The following INSYN2A variants were observed in gnomAD, a reference collection of about 807,000 sequenced individuals.
The protein encoded by INSYN2A is inhibitory synaptic factor 2A.
INSYN2A carries 17 observed loss-of-function variants against 39.4 expected under a neutral mutation model. That is an observed-to-expected ratio of 0.43 (90% CI 0.30 to 0.65). The LOEUF is 0.65. Ranked by LOEUF, INSYN2A falls within the 30% of genes least tolerant of loss-of-function variation. INSYN2A has a pLI of 0.14. For missense variants in INSYN2A, 595 were observed against 631.2 expected (o/e 0.94, Z 0.61); for synonymous variants, 255 against 265.7 (o/e 0.96, Z 0.39).
intron 4 of INSYN2A, among the ~76,000 whole-genome samples, chr10:127,161,383 T>A (rs1390076336): frequency 6.6e-6 from 1 of 152,106 alleles, no homozygotes; most frequent in African/African-American, 2.4e-5. Context: ...TCTGTTCCCT[T>A]TTTCCCAGTA....
chr10:127,175,462 G>A lies in INSYN2A; in HGVS notation c.934C>T (p.Gln312Ter), dbSNP rs1276538182. ...ETALACSPPM[Q>*]CLSPECSEQP... ...TCACTACATTCGGGGGACAGGCACT[G>A]CATCGGGGGTGAGCAGGCCAGGGCA... The change falls in exon 4 of 6, where the codon CAG (glutamine) becomes TAG (stop). Residue 312 changes from glutamine (Q) to a stop codon, truncating the protein, a stop_gained. Transcript: ENST00000522781. LOFTEE classifies it high-confidence loss of function. This position sits in a 1 kb window ranked among gnomAD's most constrained non-coding sequence, Gnocchi z 6.3. The A allele has an allele frequency of 6.2e-7, 1 of 1,610,622 alleles. No individual in the cohort carries two copies. The highest frequency in any genetic ancestry group is 8.5e-7 in the Non-Finnish European group (1 of 1,180,016).
chr10:127,146,973 G>T lies in INSYN2A; in HGVS notation c.1256+6879C>A, dbSNP rs186157489. Among the ~76,000 whole-genome samples, 19 of 152,338 alleles carry T rather than the reference G, an allele frequency of 1.2e-4. No homozygotes were observed. The East Asian group carries it at 3.5e-3, about 28-fold the overall frequency. ...TTGCAATACACTCGGAATCAGTGAA[G>T]TGCCAGTGTGCGTGATTTTATCTAG... On this transcript the variant is annotated intron_variant, in intron 5 of 5. Transcript: ENST00000522781.
At position 127,176,331 on chromosome 10, in the gene INSYN2A, G is replaced by T; in HGVS notation, c.65C>A (p.Ala22Asp). The T allele has an allele frequency of 6.2e-7, 1 of 1,613,932 alleles. No homozygotes were observed. The stretch of plus-strand genomic sequence containing the variant: ...GTATTTCATCTCCAGGGCCAGGCAG[G>T]CGGCGGGTTCCACTTCACTCTCCGA... Reference protein sequence around the residue: ...TTSESEVEPAACLALEMKYAL... With the variant: ...TTSESEVEPADCLALEMKYAL... Residue 22 changes from alanine to aspartate, a missense_variant, in exon 4 of 6, where the codon GCC becomes GAC. Coordinates refer to ENST00000522781, the MANE Select transcript of INSYN2A (RefSeq NM_001039762.3). The surrounding 1 kb of genome is among the most constrained non-coding windows in gnomAD (Gnocchi z 4.4).
intron 5 of INSYN2A, 67 bp from the exon 6 acceptor site, chr10:127,138,087 C>G: frequency 7.1e-7 from 1 of 1,417,696 alleles, no homozygotes; most frequent in East Asian, 2.3e-5. Flanking sequence ...CTCTTAGTGT[C>G]AGCAAGATTT....
intron 4 of INSYN2A, among the ~76,000 whole-genome samples, chr10:127,171,308 T>C (rs1228313662): frequency 6.6e-6 from 1 of 152,218 alleles, no homozygotes; most frequent in African/African-American, 2.4e-5. Flanking sequence ...AGGGAAGCAC[T>C]TGCCTGACAA....
At chr10:127,167,587 T>G (rs1458983222) in intron 4 of INSYN2A, among the ~76,000 whole-genome samples, 2 of 152,194 alleles carry the variant, frequency 1.3e-5, no homozygotes, top group East Asian at 1.9e-4. Flanking sequence ...GAATATGTTC[T>G]TGGAGCAGAA....
At chr10:127,153,778 C>T (rs1017490313) in intron 5 of INSYN2A, 74 bp downstream of exon 5, 10 of 1,165,388 alleles carry the variant, frequency 8.6e-6, no homozygotes, top group African/African-American at 6.1e-5. Flanking sequence ...GGCCCCAGAT[C>T]GTTCTTGCAT....
chr10:127,179,611 T>G (rs754866245), intron 2 of INSYN2A, among the ~76,000 whole-genome samples: 3 of 152,142 alleles, frequency 2.0e-5, no homozygotes, highest in Non-Finnish European at 4.4e-5. Context: ...GGACACATCT[T>G]TTCGGGGTGT....
Position 127,177,077 on chromosome 10 carries a change from C to T in INSYN2A, c.-206G>A, listed in dbSNP as rs2055231053. On this transcript the variant is annotated 5_prime_UTR_variant, in exon 3 of 6. An upstream start codon of the reference 5' UTR is lost. Transcript: ENST00000522781. ...TCTAAAAGGAACGTGGGTTTCCCTG[C>T]ATCTACAAAGGCCATGTTTGCAACT... 1 of 151,852 alleles carries T rather than the reference C, an allele frequency of 6.6e-6. No homozygotes were observed. The highest frequency in any genetic ancestry group is 1.5e-5 in the Non-Finnish European group (1 of 68,016). 9.4% of individuals were successfully genotyped at this position (151,852 alleles called of 1,614,324 possible).
intron 4 of INSYN2A, among the ~76,000 whole-genome samples, chr10:127,154,528 G>A (rs2052844286): frequency 6.6e-6 from 1 of 152,186 alleles, no homozygotes; most frequent in Non-Finnish European, 1.5e-5. Flanking sequence ...AAATTTTTAT[G>A]AAAATACCTA....
At chr10:127,187,487 G>A (rs1447234776) in intron 2 of INSYN2A, among the ~76,000 whole-genome samples, 1 of 152,186 alleles carries the variant, frequency 6.6e-6, no homozygotes, top group East Asian at 1.9e-4. Flanking sequence ...TTGGAGGAGA[G>A]CATAGGTGTG....
chr10:127,143,946 G>C (rs1199788126), intron 5 of INSYN2A, among the ~76,000 whole-genome samples: 3 of 152,118 alleles, frequency 2.0e-5, no homozygotes, highest in East Asian at 1.9e-4. Flanking sequence ...TGTCCTTCCA[G>C]ACTCAGCCTG....
chr10:127,173,219 G>A (rs758418679), intron 4 of INSYN2A, among the ~76,000 whole-genome samples: 1 of 150,494 alleles, frequency 6.6e-6, no homozygotes, highest in African/African-American at 2.4e-5. Context: ...CACATTAGAA[G>A]GTCACCCCAT....
chr10:127,163,652 A>G (rs1589716731), intron 4 of INSYN2A, among the ~76,000 whole-genome samples: 1 of 152,140 alleles, frequency 6.6e-6, no homozygotes, highest in Non-Finnish European at 1.5e-5. Flanking sequence ...GTCTGTCTAA[A>G]TAGTATTCAT....
intron 5 of INSYN2A, among the ~76,000 whole-genome samples, chr10:127,142,295 G>C (rs774031481): frequency 1.8e-4 from 27 of 152,200 alleles, no homozygotes; most frequent in Non-Finnish European, 3.8e-4. Context: ...GGTTTCTGAG[G>C]ACTCTGGCTG....
At chr10:127,156,341 T>A (rs1309226805) in intron 4 of INSYN2A, among the ~76,000 whole-genome samples, 5 of 152,104 alleles carry the variant, frequency 3.3e-5, no homozygotes, top group Non-Finnish European at 1.5e-5. Flanking sequence ...GTCACCTTGC[T>A]TGTATGCTGG....
At chr10:127,194,446 T>C (rs1251110085) in intron 1 of INSYN2A, among the ~76,000 whole-genome samples, 2 of 152,220 alleles carry the variant, frequency 1.3e-5, no homozygotes, top group East Asian at 1.9e-4. Flanking sequence ...CTTTCAAAAG[T>C]AACATTCAAC....
At chr10:127,147,923 C>T (rs56013209) in intron 5 of INSYN2A, among the ~76,000 whole-genome samples, 2,236 of 148,046 alleles carry the variant, frequency 0.015, 63 homozygotes, top group African/African-American at 0.052. Flanking sequence ...CCCAGCTACT[C>T]GGGAGGCTGA....
chr10:127,192,873 T>C (rs1589870850), intron 1 of INSYN2A, 143 bp from the exon 2 acceptor site: 1 of 152,236 alleles, frequency 6.6e-6, no homozygotes. Context: ...TGCAAGTCTG[T>C]ATTCTGTCCT....
Sources: gnomAD v4.1 joint callset for allele counts (sites outside exome capture counted in the v4.1 genomes callset) on GRCh38, gnomAD v4.1.1 for gene constraint, Gnocchi (gnomAD v3.1) non-coding constraint, MANE v1.5 for transcripts, NCBI Gene and HGNC (gene_info 2026-07-23, HGNC 2026-07-21) for gene names.